The following TTBK2 variants were observed in gnomAD, a reference collection of about 807,000 sequenced individuals.
TTBK2 encodes the protein tau tubulin kinase 2.
In TTBK2, 28 loss-of-function variants were observed where a neutral mutation model predicts 110.8. The ratio of observed to expected loss-of-function variants is 0.25; its 90% confidence interval spans 0.19 to 0.35. The LOEUF (loss-of-function observed/expected upper bound fraction) is 0.35. Ranked by LOEUF, TTBK2 falls within the 10% of genes least tolerant of loss-of-function variation. The pLI is 1.00. For synonymous variants in TTBK2, 532 were observed against 527.3 expected (o/e 1.01, Z -0.12); for missense variants, 1,369 against 1,500.3 (o/e 0.91, Z 1.45).
chr15:42,814,833 G>A (rs1264570993), intron 7 of TTBK2, among the ~76,000 whole-genome samples: 1 of 152,146 alleles, frequency 6.6e-6, no homozygotes, highest in Non-Finnish European at 1.5e-5. Context: ...AGAAAAGAGG[G>A]TTAAGAACCA....
In TTBK2 at chr15:42,817,142, C is replaced by G. The variant is rs1892072446; in HGVS notation, c.538-45G>C. 2.6e-6 allele frequency: 4 copies of G among 1,534,302 alleles called. No individual in the cohort carries two copies. The South Asian group carries it at 4.5e-5, about 17-fold the overall frequency. On this transcript the variant is annotated intron_variant, in intron 6 of 14. Coordinates refer to ENST00000267890, the MANE Select transcript of TTBK2 (RefSeq NM_173500.4). ...AGAATAATAAATGAGCTTCAAACAG[C>G]AATACATTCAGCACACTTGAACCAT...
At chr15:42,750,158 C>T (rs983381201) in intron 14 of TTBK2, among the ~76,000 whole-genome samples, 1 of 151,884 alleles carries the variant, frequency 6.6e-6, no homozygotes, top group African/African-American at 2.4e-5. Context: ...TCAGAGTTAC[C>T]ACATTATTAG....
At position 42,745,903 on chromosome 15, in the gene TTBK2, G is replaced by A. The variant is rs768169944; in HGVS notation, c.3627C>T (p.Cys1209=). The A allele has an allele frequency of 4.3e-6, 7 of 1,614,000 alleles. No individual in the cohort carries two copies. The Middle Eastern group carries it at 4.9e-4, about 114-fold the overall frequency. The stretch of plus-strand genomic sequence containing the variant: ...CTTTCAGGCCATTCTTGCTGGGTTT[G>A]CAATGCTCCTGTTGGCAGGACCTCC... ...SSRRSCQQEH[C]KPSKNGLKGS... Residue 1209 remains cysteine, a synonymous_variant, in exon 15 of 15, where the codon TGC becomes TGT. Transcript: ENST00000267890.
chr15:42,876,450 C>T (rs1042020061), intron 2 of TTBK2, among the ~76,000 whole-genome samples: 2 of 152,188 alleles, frequency 1.3e-5, no homozygotes, highest in African/African-American at 2.4e-5. Context: ...ACACTCATGT[C>T]TGACTTACAT....
At chr15:42,852,395 C>T (rs1893756184) in intron 3 of TTBK2, among the ~76,000 whole-genome samples, 1 of 152,108 alleles carries the variant, frequency 6.6e-6, no homozygotes, top group Admixed American at 6.6e-5. Flanking sequence ...ACATTAAGTT[C>T]ACAACACAAA....
intron 1 of TTBK2, among the ~76,000 whole-genome samples, chr15:42,902,926 A>G (rs1401269196): frequency 2.0e-5 from 3 of 150,944 alleles, no homozygotes; most frequent in East Asian, 3.9e-4. Context: ...TGGATGTTAC[A>G]GAGAAGAGAG....
At chr15:42,774,241 T>C (rs1001808211) in intron 13 of TTBK2, among the ~76,000 whole-genome samples, 2 of 152,186 alleles carry the variant, frequency 1.3e-5, no homozygotes, top group Non-Finnish European at 2.9e-5. Flanking sequence ...GGGGGACTGC[T>C]AGATGATTAT....
Position 42,752,644 on chromosome 15 carries a change from C to G in TTBK2, c.2602G>C (p.Gly868Arg). 1.9e-6 allele frequency: 3 copies of G among 1,614,100 alleles called. No homozygotes were observed. The highest frequency in any genetic ancestry group is 2.5e-6 in the Non-Finnish European group (3 of 1,180,028). ...TTTTTTTGCATTTCTGCCACTTGGC[C>G]TATCTGACCTTCAACATGTGGGTCA... ...DIDPHVEGQI[G>R]QVAEMQKNKI... The change falls in exon 14 of 15, where the codon GGC becomes CGC. Residue 868 changes from glycine to arginine, a missense_variant. Gly to Arg is a moderately radical substitution (Grantham distance 125). Transcript: ENST00000267890.
At chr15:42,801,733 A>T (rs1891216917) in intron 9 of TTBK2, 1 of 838,522 alleles carries the variant, frequency 1.2e-6, no homozygotes, top group Non-Finnish European at 2.1e-6. Context: ...CTCTTCATAC[A>T]GCTGCCTGAG....
chr15:42,916,262 T>G (rs1298158843), intron 1 of TTBK2, among the ~76,000 whole-genome samples: 1 of 152,198 alleles, frequency 6.6e-6, no homozygotes, highest in East Asian at 1.9e-4. Context: ...CACATTTTTT[T>G]CTTTGGTTAT....
intron 1 of TTBK2, among the ~76,000 whole-genome samples, chr15:42,885,668 C>G (rs1457781317): frequency 7.9e-5 from 12 of 152,076 alleles, no homozygotes; most frequent in Non-Finnish European, 8.8e-5. Context: ...CCCCCGACCT[C>G]TTCTTTTGGT....
chr15:42,791,276 C>G (rs1413626951), intron 10 of TTBK2, among the ~76,000 whole-genome samples: 1 of 152,204 alleles, frequency 6.6e-6, no homozygotes, highest in Admixed American at 6.5e-5. Flanking sequence ...CCTCAGCCTC[C>G]CAAACTGCTG....
chr15:42,876,926 AAC>A (rs945859845), intron 2 of TTBK2, among the ~76,000 whole-genome samples: 1 of 152,196 alleles, frequency 6.6e-6, no homozygotes, highest in African/African-American at 2.4e-5. Flanking sequence ...CATTCACCGA[AAC>A]ACATCAAATT....
chr15:42,785,115 ATTTTTTTTTT>A (rs199963873), intron 10 of TTBK2, among the ~76,000 whole-genome samples: 1 of 102,194 alleles, frequency 9.8e-6, no homozygotes, highest in Non-Finnish European at 1.9e-5. Context: ...TCACTTGCAG[ATTTTTTTTTT>A]TTTTTTTTTT....
At chr15:42,893,579 G>A (rs1346051253) in intron 1 of TTBK2, among the ~76,000 whole-genome samples, 1 of 150,858 alleles carries the variant, frequency 6.6e-6, no homozygotes, top group Non-Finnish European at 1.5e-5. Flanking sequence ...TCCACCTAGG[G>A]GGAAAAGACA....
intron 3 of TTBK2, among the ~76,000 whole-genome samples, chr15:42,850,025 C>A (rs1352151408): frequency 6.6e-6 from 1 of 151,980 alleles, no homozygotes; most frequent in East Asian, 1.9e-4. Context: ...AGCAACAGAA[C>A]GGCAGAGGGA....
chr15:42,842,721 T>C (rs1346613723), intron 3 of TTBK2, among the ~76,000 whole-genome samples: 1 of 133,940 alleles, frequency 7.5e-6, no homozygotes, highest in South Asian at 2.4e-4. Context: ...CCCCTTCCCC[T>C]AAAAAAAAAA....
chr15:42,874,065 C>T (rs1894715161), intron 2 of TTBK2, among the ~76,000 whole-genome samples: 2 of 152,246 alleles, frequency 1.3e-5, no homozygotes, highest in South Asian at 4.1e-4. Context: ...GTATTATTGC[C>T]TTGTATTTTT....
At position 42,852,223 on chromosome 15, in the gene TTBK2, C is replaced by T. The variant is rs376754984; in HGVS notation, c.218-11790G>A. Among the ~76,000 whole-genome samples the T allele has an allele frequency of 3.3e-5, 5 of 151,964 alleles. No homozygotes were observed. In the South Asian group the frequency reaches 6.2e-4, roughly 19 times the overall value. On this transcript the variant is annotated intron_variant, in intron 3 of 14. Transcript: ENST00000267890. ...TAGCTAGACTACAGGTATGCACCAC[C>T]GGGCCCAGCTAATTTTTGTATTGTT... is the stretch of plus-strand genomic sequence containing the variant.
Sources: allele counts gnomAD v4.1 joint callset (sites outside exome capture counted in the v4.1 genomes callset), GRCh38; gene constraint gnomAD v4.1.1; transcripts MANE v1.5; gene names NCBI Gene and HGNC (gene_info 2026-07-23, HGNC 2026-07-21).